The following POLR2B variants were observed in gnomAD, a reference collection of about 807,000 sequenced individuals.
The protein encoded by POLR2B is DNA-directed RNA polymerase II subunit RPB2.
Under a neutral mutation model 144.6 loss-of-function variants are expected in POLR2B, and 57 were observed. The observed-to-expected ratio is 0.39, with a 90% CI of 0.32 to 0.49. The LOEUF (loss-of-function observed/expected upper bound fraction) is 0.49. Among genes scored for constraint, POLR2B ranks in the 20% least tolerant of loss-of-function variants. The probability of loss-of-function intolerance (pLI) is 0.83; values close to 1 mark genes in which losing one functional copy is unlikely to be tolerated. For missense variants in POLR2B, 595 were observed against 1,467.4 expected, an observed-to-expected ratio of 0.41 and a Z score of 9.71; for synonymous variants, 442 against 469.8, an observed-to-expected ratio of 0.94 and a Z score of 0.77.
At chr4:57,022,464 A>C (rs1246170611) in intron 18 of POLR2B, among the ~76,000 whole-genome samples, 1 of 152,168 alleles carries the variant, frequency 6.6e-6, no homozygotes, top group African/African-American at 2.4e-5. Context: ...AGCTTGCTAT[A>C]GACCTTCCTT....
intron 13 of POLR2B, among the ~76,000 whole-genome samples, chr4:57,014,399 T>C (rs1578583378): frequency 6.6e-6 from 1 of 152,046 alleles, no homozygotes. Context: ...TCACCATGTT[T>C]GCCAGGCTGG....
intron 3 of POLR2B, among the ~76,000 whole-genome samples, chr4:56,992,220 T>A (rs907353288): frequency 3.3e-5 from 5 of 151,916 alleles, no homozygotes; most frequent in Non-Finnish European, 5.9e-5. Context: ...TTTAGCACTT[T>A]GGGAGGCCGA....
intron 16 of POLR2B, among the ~76,000 whole-genome samples, chr4:57,019,043 G>A (rs1723456844): frequency 6.6e-6 from 1 of 152,036 alleles, no homozygotes; most frequent in South Asian, 2.1e-4. Context: ...TATTGTAATG[G>A]GGCTCTACCA....
rs1182659055 is a variant in POLR2B at position 56,999,926 on chromosome 4, G to A, written c.900+145G>A. On this transcript the variant is annotated intron_variant, in intron 7 of 24. Coordinates refer to ENST00000314595, the MANE Select transcript of POLR2B (RefSeq NM_000938.3). ...TTATGCCATTTACTGTGTAGTGAAAGCTTTCAGCCCTGCCTGGGTCTCTTT... is the reference window on the plus strand; with the variant it reads ...TTATGCCATTTACTGTGTAGTGAAAACTTTCAGCCCTGCCTGGGTCTCTTT... 5.6e-5 allele frequency: 30 copies of A among 538,620 alleles called. No individual in the cohort carries two copies. In the East Asian group the frequency reaches 7.7e-4, roughly 14 times the overall value. 33.4% of individuals were successfully genotyped at this position (538,620 alleles called of 1,614,324 possible). A position where few individuals can be genotyped will look rare whatever the true frequency, so the allele number is the denominator to read the frequency against.
intron 2 of POLR2B, among the ~76,000 whole-genome samples, chr4:56,988,824 G>T (rs763848923): frequency 6.6e-6 from 1 of 152,186 alleles, no homozygotes; most frequent in Non-Finnish European, 1.5e-5. Context: ...TCTGTGGAGT[G>T]TGCCTATATT....
chr4:57,016,562 GTAA>G (rs1723372425), intron 14 of POLR2B, among the ~76,000 whole-genome samples: 1 of 151,206 alleles, frequency 6.6e-6, no homozygotes, highest in South Asian at 2.1e-4. Flanking sequence ...TCTATTAATA[GTAA>G]TAATGCGAAA....
intron 3 of POLR2B, among the ~76,000 whole-genome samples, chr4:56,993,524 G>A (rs918948032): frequency 2.6e-5 from 4 of 152,080 alleles, no homozygotes; most frequent in African/African-American, 7.2e-5. Flanking sequence ...TTAGTAAAAC[G>A]TCTGCTTACT....
intron 2 of POLR2B, among the ~76,000 whole-genome samples, chr4:56,987,462 A>T (rs191876776): frequency 1.2e-4 from 19 of 152,292 alleles, no homozygotes; most frequent in South Asian, 4.1e-4. Flanking sequence ...ATGATGATGG[A>T]TGCCTCTCTG....
At chr4:57,008,942 A>G (rs989728086) in intron 10 of POLR2B, among the ~76,000 whole-genome samples, 1 of 152,062 alleles carries the variant, frequency 6.6e-6, no homozygotes, top group Admixed American at 6.5e-5. Context: ...GAGGATGGGA[A>G]CCAGCTCATG....
At chr4:57,011,264 T>A (rs1255800112) in intron 13 of POLR2B, among the ~76,000 whole-genome samples, 164 bp downstream of exon 13, 1 of 152,262 alleles carries the variant, frequency 6.6e-6, no homozygotes. Context: ...GTGCAGTGGC[T>A]CATGCCTGTA....
Position 57,022,230 on chromosome 4 carries a change from A to C in POLR2B, c.2499A>C (p.Thr833=). ...AAGAAGAAGTTTTTGAGAAGCCTAC[A>C]CGTGAAACATGCCAGGGTAAGTGAC... ...FDQEEVFEKP[T]RETCQGMRHA... is the part of the protein sequence containing the mutation. The change falls in exon 18 of 25, where the codon ACA becomes ACC. Residue 833 remains threonine (T), a synonymous_variant. Transcript: ENST00000314595. 6.2e-7 allele frequency: 1 copy of C among 1,603,712 alleles called. No homozygotes were observed. The highest frequency in any genetic ancestry group is 8.5e-7 in the Non-Finnish European group (1 of 1,170,824).
At chr4:57,020,223 G>C (rs1723497646) in intron 16 of POLR2B, among the ~76,000 whole-genome samples, 1 of 152,028 alleles carries the variant, frequency 6.6e-6, no homozygotes, top group African/African-American at 2.4e-5. Flanking sequence ...TATTAGAGGT[G>C]GGGTTTCACC....
chr4:56,994,304 T>C, intron 3 of POLR2B, 100 bp from the exon 4 acceptor site: 2 of 654,388 alleles, frequency 3.1e-6, no homozygotes, highest in Non-Finnish European at 5.4e-6. Flanking sequence ...GTTTGTAGAG[T>C]TGCTTGTACT....
chr4:57,026,104 G>A (rs1326402136), intron 23 of POLR2B, among the ~76,000 whole-genome samples: 2 of 152,092 alleles, frequency 1.3e-5, no homozygotes, highest in Non-Finnish European at 2.9e-5. Flanking sequence ...CGGGCATGGT[G>A]GCACACACCT....
Position 57,025,007 on chromosome 4 carries a change from T to C in POLR2B, c.3078+8T>C, listed in dbSNP as rs1325660615. ...CATCTCAGAGGAAATGAGGTATATT[T>C]GCTCTTATAGTAGTAATTTGCCACT... On this transcript the variant is annotated splice_region_variant and intron_variant, in intron 22 of 24. Transcript: ENST00000314595. 7.4e-7 allele frequency: 1 copy of C among 1,360,018 alleles called. No homozygotes were observed. The highest frequency in any genetic ancestry group is 2.3e-5 in the East Asian group (1 of 43,510). The allele number at this position is 1,360,018 out of a possible 1,614,324, so 84.2% of individuals were successfully genotyped here.
chr4:57,029,047 C>T (rs1006659464), intron 23 of POLR2B, among the ~76,000 whole-genome samples: 1 of 152,100 alleles, frequency 6.6e-6, no homozygotes, highest in African/African-American at 2.4e-5. Context: ...CTGCTTGCAT[C>T]CCAAATGCTG....
intron 1 of POLR2B, 65 bp from the exon 2 acceptor site, chr4:56,986,289 T>C (rs969888905): frequency 2.8e-5 from 26 of 913,030 alleles, no homozygotes; most frequent in Non-Finnish European, 4.6e-5. Flanking sequence ...CTTAAAGTCA[T>C]AGGAGCAAGA....
chr4:56,996,236 G>GTGTGTGTGTGTGTTTA (rs1291577789), intron 6 of POLR2B, among the ~76,000 whole-genome samples: 1 of 136,206 alleles, frequency 7.3e-6, no homozygotes, highest in Non-Finnish European at 1.6e-5. Flanking sequence ...GTGTGTGTGT[G>GTGTGTGTGTGTGTTTA]TGTATGTATA....
At chr4:57,030,791 C>G in intron 24 of POLR2B, 108 bp from the exon 25 acceptor site, 1 of 682,312 alleles carries the variant, frequency 1.5e-6, no homozygotes, top group African/African-American at 1.8e-5. Context: ...CTCAGCTCCA[C>G]TCATTTATTC....
Sources: allele counts gnomAD v4.1 joint callset (sites outside exome capture counted in the v4.1 genomes callset), GRCh38; gene constraint gnomAD v4.1.1; transcripts MANE v1.5; gene names NCBI Gene and HGNC (gene_info 2026-07-23, HGNC 2026-07-21).